The following ICMT variants were observed in gnomAD, a reference collection of about 807,000 sequenced individuals.
ICMT encodes isoprenylcysteine carboxyl methyltransferase, also known as protein-S-isoprenylcysteine O-methyltransferase.
ICMT carries 10 observed loss-of-function variants against 32.2 expected under a neutral mutation model. The observed-to-expected ratio is 0.31, with a 90% confidence interval of 0.19 to 0.53. ICMT has a LOEUF of 0.53. ICMT is among the 20% of genes least tolerant of loss of function. ICMT has a pLI of 0.96. For missense variants in ICMT, 265 were observed against 356.9 expected, an observed-to-expected ratio of 0.74 and a Z score of 2.07; for synonymous variants, 183 against 158.2, an observed-to-expected ratio of 1.16 and a Z score of -1.18.
chr1:6,227,881 C>T (rs759096700), intron 4 of ICMT, among the ~76,000 whole-genome samples: 1 of 151,776 alleles, frequency 6.6e-6, no homozygotes, highest in African/African-American at 2.4e-5. Context: ...AGAAATAAGG[C>T]TTTGGGTTGG....
chr1:6,226,333 T>C (rs1353912250), intron 4 of ICMT, among the ~76,000 whole-genome samples: 2 of 152,048 alleles, frequency 1.3e-5, no homozygotes, highest in Admixed American at 1.3e-4. Flanking sequence ...GAGGCAGAGG[T>C]TGCAGTGAGC....
chr1:6,235,579 T>C, intron 1 of ICMT, 138 bp downstream of exon 1: 1 of 472,194 alleles, frequency 2.1e-6, no homozygotes, highest in Non-Finnish European at 3.0e-6. Context: ...GAGGGTCCCC[T>C]CCTGCGACCT....
At chr1:6,225,381 A>G in intron 4 of ICMT, 119 bp from the exon 5 acceptor site, 1 of 960,054 alleles carries the variant, frequency 1.0e-6, no homozygotes, top group Non-Finnish European at 1.6e-6. Flanking sequence ...TGAGACCGTC[A>G]GGGTCTCTGG....
chr1:6,231,877 A>T, intron 4 of ICMT, 25 bp downstream of exon 4: 1 of 1,375,194 alleles, frequency 7.3e-7, no homozygotes, highest in Non-Finnish European at 9.9e-7. Context: ...AAAAAAGAAA[A>T]GCAGTGTCAT....
intron 4 of ICMT, among the ~76,000 whole-genome samples, chr1:6,229,261 C>T (rs1375596588): frequency 6.6e-6 from 1 of 152,100 alleles, no homozygotes; most frequent in African/African-American, 2.4e-5. Flanking sequence ...GGCAGATCAC[C>T]TGAGGTTGGG....
At chr1:6,226,336 C>T (rs557976825) in intron 4 of ICMT, among the ~76,000 whole-genome samples, 28 of 152,102 alleles carry the variant, frequency 1.8e-4, no homozygotes, top group Non-Finnish European at 3.5e-4. Context: ...GCAGAGGTTG[C>T]AGTGAGCTGA....
chr1:6,232,442 A>G (rs914975069), intron 3 of ICMT, among the ~76,000 whole-genome samples: 1 of 152,188 alleles, frequency 6.6e-6, no homozygotes, highest in Non-Finnish European at 1.5e-5. Flanking sequence ...AAGTATAGCT[A>G]AGAGAAGCAA....
chr1:6,226,097 C>A (rs1416720127), intron 4 of ICMT, among the ~76,000 whole-genome samples: 1 of 152,132 alleles, frequency 6.6e-6, no homozygotes, highest in African/African-American at 2.4e-5. Flanking sequence ...CTTTCTTCCA[C>A]CTTTAAGAAC....
Position 6,235,702 on chromosome 1 carries a change from C to G in ICMT, c.195+15G>C. The G allele has an allele frequency of 1.7e-6, 2 of 1,185,916 alleles. No individual in the cohort carries two copies. 73.5% of individuals were successfully genotyped at this position (1,185,916 alleles called of 1,614,324 possible). ...CCCGCCCCGCCGGCCCCCGCCGGCC[C>G]CCGCCGGCCTGCACCTGGTAGCGAG... On this transcript the variant is annotated intron_variant, in intron 1 of 4. Coordinates refer to ENST00000343813, the MANE Select transcript of ICMT (RefSeq NM_012405.4).
chr1:6,234,285 G>A (rs536254804), intron 2 of ICMT: 8 of 356,710 alleles, frequency 2.2e-5, no homozygotes, highest in South Asian at 1.1e-4. Flanking sequence ...ATGAAAGAGG[G>A]AGATAACAAC....
chr1:6,233,683 AAC>A, intron 2 of ICMT, 40 bp from the exon 3 acceptor site: 1 of 1,545,622 alleles, frequency 6.5e-7, no homozygotes, highest in Non-Finnish European at 8.9e-7. Flanking sequence ...GGGACAAGAG[AAC>A]CAAGTTAACC....
intron 2 of ICMT, chr1:6,234,658 G>A (rs1668789394): frequency 7.1e-6 from 4 of 565,454 alleles, no homozygotes; most frequent in Non-Finnish European, 9.5e-6. Flanking sequence ...GCACCTTTGG[G>A]GGTGCCAGGG....
At chr1:6,234,749 CAGG>C in intron 2 of ICMT, 134 bp downstream of exon 2, 1 of 711,606 alleles carries the variant, frequency 1.4e-6, no homozygotes, top group Non-Finnish European at 2.5e-6. Flanking sequence ...AGGGGGAAGC[CAGG>C]AGACTTCGTT....
At chr1:6,235,664 A>C in intron 1 of ICMT, 53 bp downstream of exon 1, 1 of 1,102,934 alleles carries the variant, frequency 9.1e-7, no homozygotes, top group Non-Finnish European at 1.1e-6. Context: ...GCGCCGCGCC[A>C]AGCGGACCGC....
intron 4 of ICMT, among the ~76,000 whole-genome samples, chr1:6,230,220 T>C (rs1158243559): frequency 6.6e-6 from 1 of 152,006 alleles, no homozygotes; most frequent in Non-Finnish European, 1.5e-5. Context: ...GTTCAAGCGG[T>C]TCTCAGGTCT....
At chr1:6,225,788 T>C (rs1668637408) in intron 4 of ICMT, among the ~76,000 whole-genome samples, 1 of 151,298 alleles carries the variant, frequency 6.6e-6, no homozygotes, top group African/African-American at 2.4e-5. Flanking sequence ...TGAGTCTGGG[T>C]TTCCAACCCC....
intron 4 of ICMT, among the ~76,000 whole-genome samples, chr1:6,231,697 T>A (rs1668739482): frequency 6.6e-6 from 1 of 152,194 alleles, no homozygotes; most frequent in Non-Finnish European, 1.5e-5. Flanking sequence ...ACATTAGTTC[T>A]CTTGACTTTT....
rs1315554827 is a variant in ICMT at position 6,221,213 on chromosome 1, TTTTA to T, written c.*3863_*3866del. 1 of 152,620 alleles carries T rather than the reference TTTTA, an allele frequency of 6.6e-6. No individual in the cohort carries two copies. Among genetic ancestry groups the T allele is most frequent in the Non-Finnish European group, 1.5e-5 (1 of 68,042 alleles). The allele number at this position is 152,620 out of a possible 1,614,324, so 9.5% of individuals were successfully genotyped here. ...TGTGGTTGAGTGAAATCAAGTGCAGTTTTATTTAAGAACTGGAAAGAATAATCAG... is the reference window on the plus strand; with the variant it reads ...TGTGGTTGAGTGAAATCAAGTGCAGTTTTAAGAACTGGAAAGAATAATCAG... On this transcript the variant is annotated 3_prime_UTR_variant, in exon 5 of 5. Coordinates refer to ENST00000343813, the MANE Select transcript of ICMT (RefSeq NM_012405.4).
Position 6,223,922 on chromosome 1 carries a change from C to T in ICMT, c.*1158G>A, listed in dbSNP as rs540600267. 5.9e-5 allele frequency: 9 copies of T among 152,340 alleles called. No homozygotes were observed. In the East Asian group the frequency reaches 9.6e-4, roughly 16 times the overall value. The allele number at this position is 152,340 out of a possible 1,614,324, so 9.4% of individuals were successfully genotyped here. On this transcript the variant is annotated 3_prime_UTR_variant, in exon 5 of 5. Coordinates refer to ENST00000343813, the MANE Select transcript of ICMT (RefSeq NM_012405.4). ...GCCAGCGTCTCACCTCTTAAAGCTT[C>T]GATGTGTGACTCAAAGCCAACTTAC...
Sources: allele counts gnomAD v4.1 joint callset (sites outside exome capture counted in the v4.1 genomes callset), GRCh38; gene constraint gnomAD v4.1.1; transcripts MANE v1.5; gene names NCBI Gene and HGNC (gene_info 2026-07-23, HGNC 2026-07-21).